PCDHGA2: variants seen among roughly 807,000 people sequenced by gnomAD.
The protein encoded by PCDHGA2 is protocadherin gamma-A2.
In PCDHGA2, 40 loss-of-function variants were observed where a neutral mutation model predicts 59.2. The ratio of observed to expected loss-of-function variants is 0.68; its 90% CI spans 0.52 to 0.88. The LOEUF is 0.88. Among genes scored for constraint, PCDHGA2 ranks in the 40% least tolerant of loss-of-function variants. The pLI, the probability that PCDHGA2 is intolerant of heterozygous loss-of-function variation, is 0.00. For synonymous variants in PCDHGA2, 560 were observed against 526.0 expected, an observed-to-expected ratio of 1.06 and a Z score of -0.89; for missense variants, 1,226 against 1,204.0, an observed-to-expected ratio of 1.02 and a Z score of -0.27.
At position 141,431,413 on chromosome 5, in the gene PCDHGA2, C is replaced by A; in HGVS notation, c.2425-63394C>A. ...TGGTCCTTACGGCCTCCGACGGGGG[C>A]GACCCGGTGCGCACAGGCACCGCGC... On this transcript the variant is annotated intron_variant, in intron 1 of 3. Transcript: ENST00000394576. This position sits in a 1 kb window ranked among gnomAD's most constrained non-coding sequence, Gnocchi z 4.8. The A allele has an allele frequency of 6.2e-7, 1 of 1,613,682 alleles. No homozygotes were observed. Among genetic ancestry groups the A allele is most frequent in the Non-Finnish European group, 8.5e-7 (1 of 1,180,044 alleles).
chr5:141,364,720 CCCG>C, intron 1 of PCDHGA2: 3 of 1,613,946 alleles, frequency 1.9e-6, no homozygotes, highest in Non-Finnish European at 2.5e-6. Context: ...ATGATAACTT[CCCG>C]CGTTTCCGGG....
At chr5:141,341,474 T>C in intron 1 of PCDHGA2, 79 bp downstream of exon 1, 2 of 1,580,426 alleles carry the variant, frequency 1.3e-6, no homozygotes, top group Non-Finnish European at 8.6e-7. Context: ...ATCTATTTTG[T>C]TCCCCATATT....
chr5:141,423,234 C>T, intron 1 of PCDHGA2: 1 of 1,613,918 alleles, frequency 6.2e-7, no homozygotes, highest in South Asian at 1.1e-5. Context: ...CCGACAGCAT[C>T]CCCGAAGTCC....
rs1340147578 is a variant in PCDHGA2, at chr5:141,487,141, T to C, written c.2425-7666T>C. On this transcript the variant is annotated intron_variant, in intron 1 of 3. Transcript: ENST00000394576. This position sits in a 1 kb window ranked among gnomAD's most constrained non-coding sequence, Gnocchi z 5.0. ...AGGATAGTGGTAGTCCACCACTCTCTACCTCTGTTACTCTCTTAGTGTCCT... is the reference window on the plus strand; with the variant it reads ...AGGATAGTGGTAGTCCACCACTCTCCACCTCTGTTACTCTCTTAGTGTCCT... The C allele has an allele frequency of 1.2e-6, 2 of 1,613,882 alleles. No individual in the cohort carries two copies. Among genetic ancestry groups the C allele is most frequent in the African/African-American group, 2.7e-5 (2 of 74,934 alleles).
At chr5:141,360,253 G>A in intron 1 of PCDHGA2, 1 of 1,613,900 alleles carries the variant, frequency 6.2e-7, no homozygotes, top group Non-Finnish European at 8.5e-7. Flanking sequence ...AATTCCAGAG[G>A]AGCTGGCCAA....
rs1389286417 is a variant in PCDHGA2 at position 141,432,046 on chromosome 5, C to T, written c.2425-62761C>T. ...CAGTGACCGCCACTGACCGGGGAAC[C>T]CCGCCCCTATCCACGGAAACTCATA... On this transcript the variant is annotated intron_variant, in intron 1 of 3. Transcript: ENST00000394576. This position sits in a 1 kb window ranked among gnomAD's most constrained non-coding sequence, Gnocchi z 6.0. 3.1e-6 allele frequency: 5 copies of T among 1,614,224 alleles called. No homozygotes were observed. The highest frequency in any genetic ancestry group is 2.2e-5 in the East Asian group (1 of 44,886).
chr5:141,418,007 C>G (rs1561770675), intron 1 of PCDHGA2: 1 of 1,613,904 alleles, frequency 6.2e-7, no homozygotes, highest in Non-Finnish European at 8.5e-7. Flanking sequence ...GGTGGGGAAC[C>G]TCGCTAAGGA....
rs1253890351 is a variant in PCDHGA2, at chr5:141,372,427, G to T, written c.2424+31032G>T. The T allele has an allele frequency of 3.1e-6, 5 of 1,613,872 alleles. No homozygotes were observed. Among genetic ancestry groups the T allele is most frequent in the East Asian group, 2.2e-5 (1 of 44,888 alleles). On this transcript the variant is annotated intron_variant, in intron 1 of 3. Coordinates refer to ENST00000394576, the MANE Select transcript of PCDHGA2 (RefSeq NM_018915.4). ...GAGATACAACCTGACCTTAGCGACC[G>T]CCCCACTCCCTCTGACCCTCAGGCG...
chr5:141,509,303 G>A (rs911736752), intron 3 of PCDHGA2, among the ~76,000 whole-genome samples: 1 of 152,210 alleles, frequency 6.6e-6, no homozygotes, highest in Admixed American at 6.5e-5. Context: ...GGAGGCAGAG[G>A]GAGGCTGGGA....
At chr5:141,413,805 C>T (rs772637762) in intron 1 of PCDHGA2, 1 of 1,613,166 alleles carries the variant, frequency 6.2e-7, no homozygotes, top group South Asian at 1.1e-5. Flanking sequence ...AGGAAGAGGC[C>T]ATTCACCACC....
intron 1 of PCDHGA2, among the ~76,000 whole-genome samples, chr5:141,443,521 T>A (rs2098392520): frequency 6.6e-6 from 1 of 152,156 alleles, no homozygotes; most frequent in Admixed American, 6.6e-5. Context: ...TCTCTCCTTA[T>A]GACTTATTTA....
chr5:141,486,138 C>T lies in PCDHGA2; in HGVS notation c.2425-8669C>T. On this transcript the variant is annotated intron_variant, in intron 1 of 3. Transcript: ENST00000394576. This position sits in a 1 kb window ranked among gnomAD's most constrained non-coding sequence, Gnocchi z 5.0. ...AATTACTATGAATTTGATGTGCGGG[C>T]TCGCGATGGGGGTTCTCCAGCCATG... The T allele has an allele frequency of 6.2e-7, 1 of 1,614,212 alleles. No individual in the cohort carries two copies. The highest frequency in any genetic ancestry group is 1.3e-5 in the African/African-American group (1 of 75,052).
At position 141,493,235 on chromosome 5, in the gene PCDHGA2, T is replaced by G. The variant is rs541360337; in HGVS notation, c.2425-1572T>G. Among the ~76,000 whole-genome samples the G allele has an allele frequency of 6.6e-6, 1 of 152,352 alleles. No homozygotes were observed. The highest frequency in any genetic ancestry group is 1.5e-5 in the Non-Finnish European group (1 of 68,036). On this transcript the variant is annotated intron_variant, in intron 1 of 3. Transcript: ENST00000394576. This position sits in a 1 kb window ranked among gnomAD's most constrained non-coding sequence, Gnocchi z 4.3. ...TGCTCTTCCCACCATTGCTGTTGGC[T>G]AGGTACTAACATGCCTCTCTTATAA...
rs983317324 is a variant in PCDHGA2, at chr5:141,431,891, G to A, written c.2425-62916G>A. The stretch of plus-strand genomic sequence containing the variant: ...AAATGTAAATGACCAAGATTCTGAG[G>A]AAAACGGACAGGTGATCTGTTTCAT... On this transcript the variant is annotated intron_variant, in intron 1 of 3. Transcript: ENST00000394576. The surrounding 1 kb of genome is among the most constrained non-coding windows in gnomAD (Gnocchi z 4.8). 16 of 1,614,072 alleles carry A rather than the reference G, an allele frequency of 9.9e-6. No homozygotes were observed. The highest frequency in any genetic ancestry group is 2.7e-5 in the African/African-American group (2 of 74,934).
intron 1 of PCDHGA2, chr5:141,366,919 ATTCTGTTT>A: frequency 1.8e-6 from 2 of 1,085,760 alleles, no homozygotes; most frequent in Non-Finnish European, 2.5e-6. Flanking sequence ...TTGTTTTCAA[ATTCTGTTT>A]TGGGAAGTCT....
chr5:141,447,360 A>G (rs1471046883), intron 1 of PCDHGA2, among the ~76,000 whole-genome samples: 1 of 151,914 alleles, frequency 6.6e-6, no homozygotes, highest in Non-Finnish European at 1.5e-5. Context: ...GCTGGTCTCA[A>G]ACTCCTGACC....
At chr5:141,450,211 T>TTTCA (rs1038674129) in intron 1 of PCDHGA2, among the ~76,000 whole-genome samples, 23 of 152,166 alleles carry the variant, frequency 1.5e-4, no homozygotes, top group African/African-American at 4.3e-4. Flanking sequence ...AGAGACAAGG[T>TTTCA]TTCACTATGT....
intron 1 of PCDHGA2, among the ~76,000 whole-genome samples, chr5:141,420,868 G>C (rs1479734969): frequency 6.6e-6 from 1 of 152,222 alleles, no homozygotes; most frequent in Non-Finnish European, 1.5e-5. Context: ...GTCACATAAT[G>C]TAAGTATTGT....
At position 141,403,226 on chromosome 5, in the gene PCDHGA2, CG is replaced by C. The variant is rs539681713; in HGVS notation, c.2424+61834del. On this transcript the variant is annotated intron_variant, in intron 1 of 3. Transcript: ENST00000394576. Reference sequence around the variant, plus strand: ...CTTGGTCACCGCGGGTAGGATAGACCGGGAGGAGCTCTGTGCTCAGAGCCCG... The same window carrying C: ...CTTGGTCACCGCGGGTAGGATAGACCGGAGGAGCTCTGTGCTCAGAGCCCG... 1.5e-3 allele frequency: 2,492 copies of C among 1,613,926 alleles called. 3 individuals are homozygous for C. The highest frequency in any genetic ancestry group is 1.8e-3 in the Non-Finnish European group (2,143 of 1,179,902).
Sources: allele counts gnomAD v4.1 joint callset (sites outside exome capture counted in the v4.1 genomes callset), GRCh38; gene constraint gnomAD v4.1.1; non-coding constraint Gnocchi (gnomAD v3.1); transcripts MANE v1.5; gene names NCBI Gene and HGNC (gene_info 2026-07-23, HGNC 2026-07-21).